Variants in STPG2 observed in about 807,000 individuals in gnomAD.
The protein encoded by STPG2 is sperm tail PG-rich repeat containing 2.
A neutral mutation model predicts 54.2 loss-of-function variants in STPG2; 56 were observed. The observed-to-expected ratio is 1.03, with a 90% confidence interval of 0.83 to 1.29. The LOEUF (loss-of-function observed/expected upper bound fraction) is 1.29. Among genes scored for constraint, STPG2 ranks in the 50% most tolerant of loss-of-function variants. The pLI, the probability that STPG2 is intolerant of heterozygous loss-of-function variation, is 0.00. For missense variants in STPG2, 596 were observed against 544.9 expected (o/e 1.09, Z -0.93); for synonymous variants, 200 against 181.8 (o/e 1.10, Z -0.81).
At chr4:97,536,192 G>A (rs896463819) in intron 4 of STPG2, among the ~76,000 whole-genome samples, 1 of 152,124 alleles carries the variant, frequency 6.6e-6, no homozygotes, top group African/African-American at 2.4e-5. Flanking sequence ...CTTTCCTTCT[G>A]CAGTGTCATT....
intron 4 of STPG2, among the ~76,000 whole-genome samples, chr4:97,548,266 T>G (rs1055620065): frequency 9.2e-5 from 14 of 152,120 alleles, no homozygotes; most frequent in Non-Finnish European, 1.9e-4. Flanking sequence ...TTTTTTAGTA[T>G]GAAGTGGAGA....
At chr4:97,714,253 G>A (rs886731625) in intron 9 of STPG2, among the ~76,000 whole-genome samples, 3 of 152,032 alleles carry the variant, frequency 2.0e-5, no homozygotes, top group African/African-American at 7.2e-5. Context: ...AAATTAATAG[G>A]TTAGTATGAA....
intron 10 of STPG2, among the ~76,000 whole-genome samples, chr4:97,645,891 G>A (rs1278191061): frequency 6.6e-6 from 1 of 152,048 alleles, no homozygotes; most frequent in African/African-American, 2.4e-5. Context: ...TTAACTTAGT[G>A]AAAAGACAAC....
chr4:97,525,330 T>A (rs1316265009), intron 4 of STPG2, among the ~76,000 whole-genome samples: 2 of 151,924 alleles, frequency 1.3e-5, no homozygotes, highest in Admixed American at 1.3e-4. Context: ...ACCCAGAGTT[T>A]ACACAGGACT....
intron 8 of STPG2, among the ~76,000 whole-genome samples, chr4:97,905,080 C>T (rs958460662): frequency 2.6e-5 from 4 of 151,884 alleles, no homozygotes; most frequent in Non-Finnish European, 5.9e-5. Context: ...GGCAGGCCAA[C>T]ATTCAGATTC....
chr4:98,030,976 C>T (rs1437286124), intron 5 of STPG2, among the ~76,000 whole-genome samples: 4 of 151,972 alleles, frequency 2.6e-5, no homozygotes, highest in South Asian at 4.1e-4. Context: ...AAAGAACAAA[C>T]GTGGAGGCAT....
chr4:97,778,780 C>T (rs879356499), intron 9 of STPG2, among the ~76,000 whole-genome samples: 2 of 152,184 alleles, frequency 1.3e-5, no homozygotes, highest in Non-Finnish European at 2.9e-5. Flanking sequence ...CAGCAATATT[C>T]GCTGTTCTGC....
intron 10 of STPG2, among the ~76,000 whole-genome samples, chr4:97,635,746 G>A (rs1721494340): frequency 2.6e-5 from 4 of 151,980 alleles, no homozygotes; most frequent in African/African-American, 9.7e-5. Flanking sequence ...GACAAAGAAG[G>A]CCATTACATA....
At chr4:97,973,155 C>A (rs1734391742) in intron 6 of STPG2, among the ~76,000 whole-genome samples, 1 of 152,162 alleles carries the variant, frequency 6.6e-6, no homozygotes, top group South Asian at 2.1e-4. Context: ...TGTTGAATGG[C>A]TTTGACCAAA....
chr4:98,079,605 CT>C (rs1260883461), intron 5 of STPG2, among the ~76,000 whole-genome samples: 7 of 152,108 alleles, frequency 4.6e-5, no homozygotes, highest in Non-Finnish European at 4.4e-5. Context: ...AACAATATTA[CT>C]ATTGTTTATT....
chr4:98,071,309 A>C (rs1442815600), intron 5 of STPG2, among the ~76,000 whole-genome samples: 1 of 152,172 alleles, frequency 6.6e-6, no homozygotes, highest in Admixed American at 6.5e-5. Context: ...AAAAACAAGC[A>C]ATGGGGGAAA....
At chr4:97,869,476 G>T (rs538478317) in intron 8 of STPG2, among the ~76,000 whole-genome samples, 1 of 151,740 alleles carries the variant, frequency 6.6e-6, no homozygotes, top group South Asian at 2.1e-4. Context: ...CAGCATTTAG[G>T]TATTTTGATA....
intron 4 of STPG2, among the ~76,000 whole-genome samples, chr4:97,516,497 C>T (rs560586011): frequency 2.0e-4 from 31 of 152,032 alleles, no homozygotes; most frequent in Non-Finnish European, 1.3e-4. Flanking sequence ...TCCTTTGTGC[C>T]CTTCTTGCGA....
intron 5 of STPG2, among the ~76,000 whole-genome samples, chr4:98,083,079 T>C (rs1363618523): frequency 6.6e-6 from 1 of 152,144 alleles, no homozygotes; most frequent in South Asian, 2.1e-4. Context: ...AAGCCCTATT[T>C]TGGCCTCTGT....
chr4:97,479,031 C>T (rs185151237), intron 4 of STPG2, among the ~76,000 whole-genome samples: 60 of 151,602 alleles, frequency 4.0e-4, no homozygotes, highest in Non-Finnish European at 7.1e-4. Flanking sequence ...CATACAAACA[C>T]ACTCAAACAA....
chr4:97,970,727 T>C (rs1734295588), intron 7 of STPG2, among the ~76,000 whole-genome samples: 1 of 152,172 alleles, frequency 6.6e-6, no homozygotes, highest in South Asian at 2.1e-4. Context: ...ACCTAGGCAA[T>C]ACCATTCAGG....
intron 8 of STPG2, among the ~76,000 whole-genome samples, chr4:97,859,592 G>A (rs1339006327): frequency 6.6e-6 from 1 of 151,690 alleles, no homozygotes; most frequent in Admixed American, 6.6e-5. Context: ...AGGCTCCCAA[G>A]TAGCTGGGAC....
At chr4:98,064,895 A>C (rs570288509) in intron 5 of STPG2, among the ~76,000 whole-genome samples, 1 of 152,208 alleles carries the variant, frequency 6.6e-6, no homozygotes, top group African/African-American at 2.4e-5. Flanking sequence ...CAGTACTAAA[A>C]GTTTATTTAT....
At chr4:98,105,595 C>A (rs528264047) in intron 5 of STPG2, among the ~76,000 whole-genome samples, 1 of 151,988 alleles carries the variant, frequency 6.6e-6, no homozygotes, top group Non-Finnish European at 1.5e-5. Context: ...CAGTTAGAGG[C>A]CTCTTACATC....
Sources: gnomAD v4.1 joint callset for allele counts (sites outside exome capture counted in the v4.1 genomes callset) on GRCh38, gnomAD v4.1.1 for gene constraint, MANE v1.5 for transcripts, NCBI Gene and HGNC (gene_info 2026-07-23, HGNC 2026-07-21) for gene names.